RNF17: variants seen among roughly 807,000 people sequenced by gnomAD.
RNF17 encodes the protein spermatogenesis associated 23.
In RNF17, 31 loss-of-function variants were observed where a neutral mutation model predicts 200.5. That is an observed-to-expected ratio of 0.15 (90% CI 0.12 to 0.21). The LOEUF is 0.21. RNF17 is among the 10% of genes least tolerant of loss of function. The pLI is 1.00. For missense variants in RNF17, 1,628 were observed against 1,905.1 expected (o/e 0.85, Z 2.71); for synonymous variants, 606 against 637.8 (o/e 0.95, Z 0.75).
intron 5 of RNF17, 133 bp downstream of exon 5, chr13:24,779,880 G>A: frequency 1.7e-6 from 1 of 601,060 alleles, no homozygotes; most frequent in Admixed American, 3.4e-5. Context: ...AAAAAAGAAT[G>A]GAAAACTTTT....
intron 18 of RNF17, among the ~76,000 whole-genome samples, chr13:24,836,668 C>T (rs1354482579): frequency 1.3e-5 from 2 of 152,096 alleles, no homozygotes; most frequent in African/African-American, 2.4e-5. Flanking sequence ...TGAGAGAATT[C>T]GCCATTACCA....
intron 33 of RNF17, among the ~76,000 whole-genome samples, chr13:24,876,069 G>GT (rs1894824082): frequency 6.6e-6 from 1 of 152,080 alleles, no homozygotes; most frequent in Admixed American, 6.6e-5. Context: ...ATCTTACAAA[G>GT]TATTTAAAGG....
At chr13:24,857,977 A>G (rs1262644478) in intron 25 of RNF17, among the ~76,000 whole-genome samples, 1 of 152,204 alleles carries the variant, frequency 6.6e-6, no homozygotes, top group Non-Finnish European at 1.5e-5. Context: ...CTGGAGCTTT[A>G]GGAACTTTTG....
At chr13:24,882,273 C>CTT (rs936147858), downstream of RNF17, 9 of 133,494 alleles carry the variant, frequency 6.7e-5, no homozygotes, top group South Asian at 2.1e-3. Flanking sequence ...TACATCTGTA[C>CTT]TTATATTCTT....
chr13:24,842,185 T>C lies in RNF17; in HGVS notation c.2603+24T>C, dbSNP rs561922570. ...GGGTAAGTAGATATGTAAACTTTCA[T>C]TGTTAGTTCATGTTCTTATGTAACA... On this transcript the variant is annotated intron_variant, in intron 19 of 35. Coordinates refer to ENST00000255324, the MANE Select transcript of RNF17 (RefSeq NM_031277.3). 3.2e-6 allele frequency: 5 copies of C among 1,567,248 alleles called. No individual in the cohort carries two copies. The South Asian group carries it at 4.7e-5, about 15-fold the overall frequency.
chr13:24,883,663 A>T (rs1343305302), downstream of RNF17, among the ~76,000 whole-genome samples: 2 of 152,194 alleles, frequency 1.3e-5, no homozygotes, highest in African/African-American at 4.8e-5. Context: ...TTCTTTCACT[A>T]ATTTAAAAAC....
At chr13:24,802,203 C>T (rs1464992398) in intron 13 of RNF17, among the ~76,000 whole-genome samples, 178 bp from the exon 14 acceptor site, 2 of 152,090 alleles carry the variant, frequency 1.3e-5, no homozygotes, top group Non-Finnish European at 2.9e-5. Flanking sequence ...CCAGGCTGGT[C>T]TTGAACTCCT....
At chr13:24,825,502 T>G (rs1888530679) in intron 15 of RNF17, 117 bp from the exon 16 acceptor site, 7 of 723,792 alleles carry the variant, frequency 9.7e-6, no homozygotes, top group Middle Eastern at 4.1e-4. Flanking sequence ...ATTGATAGAT[T>G]TACATTCAAT....
At position 24,854,348 on chromosome 13, in the gene RNF17, G is replaced by A. The variant is rs573209634; in HGVS notation, c.3610+204G>A. Among the ~76,000 whole-genome samples, 10 of 152,258 alleles carry A rather than the reference G, an allele frequency of 6.6e-5. No individual in the cohort carries two copies. The East Asian group carries it at 1.9e-3, about 29-fold the overall frequency. ...TTTTTCATTATTCTAACATAGCAGTGTTATATAATTATATTATGTGAGTGC... is the reference window on the plus strand; with the variant it reads ...TTTTTCATTATTCTAACATAGCAGTATTATATAATTATATTATGTGAGTGC... On this transcript the variant is annotated intron_variant, in intron 25 of 35. Coordinates refer to ENST00000255324, the MANE Select transcript of RNF17 (RefSeq NM_031277.3).
chr13:24,885,459 T>C, the RNF17 span: 1 of 1,215,578 alleles, frequency 8.2e-7, no homozygotes. Flanking sequence ...TATAGGGTTC[T>C]AGGACTAGTG....
chr13:24,839,200 T>C (rs1890350039), intron 18 of RNF17, among the ~76,000 whole-genome samples: 1 of 152,140 alleles, frequency 6.6e-6, no homozygotes, highest in Non-Finnish European at 1.5e-5. Context: ...ACACATCCCA[T>C]GGATGTGTAG....
chr13:24,883,386 A>AAAT (rs752802354), downstream of RNF17: 8 of 1,562,206 alleles, frequency 5.1e-6, no homozygotes, highest in Admixed American at 3.6e-5. Context: ...AATTTAAAAA[A>AAAT]AATATGATTT....
Position 24,771,323 on chromosome 13 carries a change from CTTTTTTTTTTTTTTTT to C in RNF17, c.226-3478_226-3463del, listed in dbSNP as rs35220494. 5.1e-5 allele frequency among the ~76,000 whole-genome samples: 4 copies of C among 78,016 alleles called. No individual in the cohort carries two copies. In the South Asian group the frequency reaches 2.9e-3, roughly 56 times the overall value. 51.2% of individuals were successfully genotyped at this position (78,016 alleles called of 152,430 possible). ...GGGAGTACCACTGCACACAGATAATCTTTTTTTTTTTTTTTTTTTTTTTTTTTGGAAGAGGTGAATC... is the reference window on the plus strand; with the variant it reads ...GGGAGTACCACTGCACACAGATAATCTTTTTTTTTTTGGAAGAGGTGAATC... On this transcript the variant is annotated intron_variant, in intron 2 of 35. Transcript: ENST00000255324.
At chr13:24,884,430 T>G, downstream of RNF17, 1 of 1,614,136 alleles carries the variant, frequency 6.2e-7, no homozygotes. Context: ...GGAAACAGTA[T>G]AACACGGCAC....
intron 6 of RNF17, among the ~76,000 whole-genome samples, chr13:24,783,861 C>A (rs563407329): frequency 6.6e-6 from 1 of 152,164 alleles, no homozygotes; most frequent in Non-Finnish European, 1.5e-5. Context: ...CTTTCCAATT[C>A]GAAAACCTTA....
intron 2 of RNF17, among the ~76,000 whole-genome samples, chr13:24,772,266 TATTA>T (rs1386122844): frequency 6.6e-6 from 1 of 152,146 alleles, no homozygotes; most frequent in African/African-American, 2.4e-5. Context: ...ATAATAGTCT[TATTA>T]ATTGGTGGAA....
At chr13:24,886,486 T>C in the RNF17 span, 19 of 566,922 alleles carry the variant, frequency 3.4e-5, no homozygotes, top group Non-Finnish European at 5.5e-5. Flanking sequence ...ATGTAACTAA[T>C]AGATCCAGAA....
At chr13:24,815,470 TG>T (rs1887281823) in intron 15 of RNF17, among the ~76,000 whole-genome samples, 2 of 138,588 alleles carry the variant, frequency 1.4e-5, no homozygotes, top group Non-Finnish European at 3.2e-5. Flanking sequence ...TGTGTGTGTG[TG>T]TGTATAATTT....
chr13:24,773,661 C>A (rs1167505979), intron 2 of RNF17, among the ~76,000 whole-genome samples: 1 of 152,114 alleles, frequency 6.6e-6, no homozygotes, highest in Non-Finnish European at 1.5e-5. Flanking sequence ...TACACCCTTG[C>A]CACAAACCTG....
Sources: allele counts gnomAD v4.1 joint callset (sites outside exome capture counted in the v4.1 genomes callset), GRCh38; gene constraint gnomAD v4.1.1; transcripts MANE v1.5; gene names NCBI Gene and HGNC (gene_info 2026-07-23, HGNC 2026-07-21).